NBPF12: variants seen among roughly 807,000 people sequenced by gnomAD.
NBPF12 encodes NBPF family member NBPF12.
In NBPF12, 115 loss-of-function variants were observed where a neutral mutation model predicts 146.4. The ratio of observed to expected loss-of-function variants is 0.79; its 90% CI spans 0.68 to 0.92. The LOEUF is 0.92. Ranked by LOEUF, NBPF12 falls within the 40% of genes least tolerant of loss-of-function variation. NBPF12 has a pLI of 0.00. For missense variants in NBPF12, 1,205 were observed against 1,326.8 expected, an observed-to-expected ratio of 0.91 and a Z score of 1.43; for synonymous variants, 385 against 508.9, an observed-to-expected ratio of 0.76 and a Z score of 3.28.
intron 6 of NBPF12, 51 bp from the exon 10 acceptor site, chr1:146,964,306 C>A: frequency 6.3e-7 from 1 of 1,597,046 alleles, no homozygotes; most frequent in South Asian, 1.1e-5. Context: ...GCTGACTGTG[C>A]TTGCAGAATG....
In NBPF12 at chr1:146,961,042, T is replaced by C. The variant is rs1358233244; in HGVS notation, c.175+724T>C. ...GCAACTGTAATCACCACTAATCGGG[T>C]GGCTGAGGCAGAAGAAGCCTTTGAA... On this transcript the variant is annotated intron_variant, in intron 4 of 33. Coordinates refer to ENST00000617844, the Ensembl canonical transcript of NBPF12. 6.1e-3 allele frequency among the ~76,000 whole-genome samples: 905 copies of C among 148,170 alleles called. 15 individuals carry two copies. The highest frequency in any genetic ancestry group is 0.022 in the African/African-American group (854 of 39,592).
chr1:146,964,541 C>T, intron 7 of NBPF12, 112 bp downstream of exon 10: 3 of 1,551,742 alleles, frequency 1.9e-6, no homozygotes, highest in Non-Finnish European at 2.7e-6. Flanking sequence ...CCCTTGGCCA[C>T]AGTATGTGAA....
At chr1:146,968,769 A>G (rs1412448733) in intron 10 of NBPF12, among the ~76,000 whole-genome samples, 3 of 151,706 alleles carry the variant, frequency 2.0e-5, no homozygotes, top group South Asian at 2.1e-4. Context: ...TCTTTTTCAA[A>G]CAAGTAATTG....
At chr1:146,994,761 C>T (rs1258853817) in exon 34 of NBPF12, 72 of 995,182 alleles carry the variant, frequency 7.2e-5, no homozygotes, top group Non-Finnish European at 8.8e-5. Flanking sequence ...AATGGACCCA[C>T]GTTAGGTGTG....
intron 11 of NBPF12, among the ~76,000 whole-genome samples, chr1:146,970,119 G>A (rs1656495029): frequency 6.6e-6 from 1 of 150,584 alleles, no homozygotes; most frequent in Non-Finnish European, 1.5e-5. Context: ...TGTTGGGGAA[G>A]GCACTTGATG....
At chr1:146,994,911 A>T (rs1658450873) in exon 34 of NBPF12, 1 of 402,496 alleles carries the variant, frequency 2.5e-6, no homozygotes, top group Non-Finnish European at 4.6e-6. Flanking sequence ...ATACCTACTC[A>T]AGGTCAGTGT....
intron 10 of NBPF12, among the ~76,000 whole-genome samples, chr1:146,968,930 TC>T (rs1656383517): frequency 6.8e-6 from 1 of 147,992 alleles, no homozygotes; most frequent in African/African-American, 2.7e-5. Flanking sequence ...ATTCTTTCAC[TC>T]AATGTTGCCT....
upstream of NBPF12, among the ~76,000 whole-genome samples, chr1:146,944,327 G>C (rs1360216873): frequency 9.1e-5 from 13 of 142,860 alleles, 1 homozygote; most frequent in Non-Finnish European, 1.5e-4. Flanking sequence ...CATTGAGAGG[G>C]GGAGAAAGAA....
chr1:146,971,090 T>C, intron 12 of NBPF12, 93 bp from the exon 16 acceptor site: 1 of 1,596,156 alleles, frequency 6.3e-7, no homozygotes, highest in Non-Finnish European at 8.6e-7. Context: ...GACCACTCTC[T>C]TAATGCCGCT....
Position 146,966,345 on chromosome 1 carries a change from G to A in NBPF12, c.779-119G>A, listed in dbSNP as rs1656206874. ...ACTGGAGATGACAAGAGTGAAACCA[G>A]GGAAACATCATCTTCGAATAAGTAC... On this transcript the variant is annotated intron_variant, in intron 8 of 33. Transcript: ENST00000617844. 24 of 927,392 alleles carry A rather than the reference G, an allele frequency of 2.6e-5. No homozygotes were observed. The South Asian group carries it at 3.0e-4, about 12-fold the overall frequency. The allele number at this position is 927,392 out of a possible 1,614,324, so 57.4% of individuals were successfully genotyped here. A position where few individuals can be genotyped will look rare whatever the true frequency, so the allele number is the denominator to read the frequency against.
At chr1:146,970,547 T>C (rs1656532962) in intron 11 of NBPF12, 100 bp from the exon 15 acceptor site, 12 of 1,448,666 alleles carry the variant, frequency 8.3e-6, no homozygotes, top group Non-Finnish European at 1.1e-5. Flanking sequence ...AGTACAATGC[T>C]GAACCATACA....
Position 146,968,553 on chromosome 1 carries a change from G to C in NBPF12, c.1091+3G>C. 1 of 1,602,152 alleles carries C rather than the reference G, an allele frequency of 6.2e-7. No homozygotes were observed. The highest frequency in any genetic ancestry group is 2.2e-5 in the East Asian group (1 of 44,860). On this transcript the variant is annotated splice_donor_region_variant and intron_variant, in intron 10 of 33. Transcript: ENST00000617844. The stretch of plus-strand genomic sequence containing the variant: ...CTGAAGCAAGCTGAGGAGCTCAGGT[G>C]AGGGGACCCCATGGGGGCAGGCAGG...
At chr1:146,948,308 T>C (rs1655161187), upstream of NBPF12, among the ~76,000 whole-genome samples, 1 of 151,846 alleles carries the variant, frequency 6.6e-6, no homozygotes, top group Non-Finnish European at 1.5e-5. Context: ...CGGCCTGACC[T>C]GAACTGTGGG....
At chr1:146,970,372 A>C (rs1236403831) in intron 11 of NBPF12, among the ~76,000 whole-genome samples, 2 of 150,964 alleles carry the variant, frequency 1.3e-5, no homozygotes, top group Non-Finnish European at 2.9e-5. Flanking sequence ...CAGCTGCCAA[A>C]GTCCAGAGAG....
At chr1:146,961,503 C>CGAA (rs1655847544) in intron 4 of NBPF12, among the ~76,000 whole-genome samples, 2 of 149,978 alleles carry the variant, frequency 1.3e-5, no homozygotes, top group Non-Finnish European at 2.9e-5. Context: ...GTTCTTCATT[C>CGAA]TGATGTTTCT....
chr1:146,967,251 C>A (rs1656267847), intron 9 of NBPF12, among the ~76,000 whole-genome samples: 1 of 150,482 alleles, frequency 6.6e-6, no homozygotes, highest in Admixed American at 6.6e-5. Context: ...TCCTGTAATC[C>A]CAGCCCTTTG....
At chr1:146,971,916 A>G in intron 13 of NBPF12, among the ~76,000 whole-genome samples, 2 of 52,838 alleles carry the variant, frequency 3.8e-5, no homozygotes, top group African/African-American at 2.2e-4. Flanking sequence ...CATCTTTACT[A>G]AAAATACAAA....
chr1:146,994,788 G>T (rs1459507344), exon 34 of NBPF12: 4 of 848,574 alleles, frequency 4.7e-6, no homozygotes, highest in Non-Finnish European at 3.5e-6. Flanking sequence ...TCACATAACT[G>T]TGCAGCACAT....
intron 19 of NBPF12, among the ~76,000 whole-genome samples, chr1:146,982,420 T>A (rs1167216340): frequency 1.8e-4 from 27 of 150,276 alleles, no homozygotes; most frequent in Admixed American, 4.0e-4. Context: ...CAGGGAGAGA[T>A]GTATATATGC....
Sources: gnomAD v4.1 joint callset for allele counts (sites outside exome capture counted in the v4.1 genomes callset) on GRCh38, gnomAD v4.1.1 for gene constraint, MANE v1.5 for transcripts, NCBI Gene and HGNC (gene_info 2026-07-23, HGNC 2026-07-21) for gene names.